The following SSH2 variants were observed in gnomAD, a reference collection of about 807,000 sequenced individuals.
SSH2 encodes the protein protein phosphatase Slingshot homolog 2.
SSH2 carries 37 observed loss-of-function variants against 135.2 expected under a neutral mutation model. The ratio of observed to expected loss-of-function variants is 0.27; its 90% CI spans 0.21 to 0.36. SSH2 has a LOEUF of 0.36. Among genes scored for constraint, SSH2 ranks in the 10% least tolerant of loss-of-function variants. The pLI is 1.00. For missense variants in SSH2, 1,408 were observed against 1,765.3 expected (o/e 0.80, Z 3.63); for synonymous variants, 628 against 646.2 (o/e 0.97, Z 0.43).
chr17:29,653,536 C>T (rs182022741), intron 12 of SSH2, among the ~76,000 whole-genome samples: 12 of 152,148 alleles, frequency 7.9e-5, no homozygotes, highest in African/African-American at 2.4e-4. Context: ...ACTGCTATAC[C>T]GCATCTCAGG....
At chr17:29,640,213 G>A (rs2036094385) in intron 14 of SSH2, among the ~76,000 whole-genome samples, 1 of 151,992 alleles carries the variant, frequency 6.6e-6, no homozygotes, top group Admixed American at 6.6e-5. Context: ...TGAGTAGCTG[G>A]GACTACAGGC....
intron 5 of SSH2, among the ~76,000 whole-genome samples, chr17:29,695,212 T>C (rs1476966779): frequency 6.6e-6 from 1 of 152,188 alleles, no homozygotes; most frequent in East Asian, 1.9e-4. Context: ...ATCTTCCTAA[T>C]CTAGGTCAAA....
intron 2 of SSH2, among the ~76,000 whole-genome samples, chr17:29,817,942 A>G (rs1335374671): frequency 5.9e-5 from 9 of 151,450 alleles, no homozygotes; most frequent in African/African-American, 2.2e-4. Flanking sequence ...TATTATTATT[A>G]TTATTTTTGT....
At chr17:29,744,816 C>A (rs2040698172) in intron 3 of SSH2, among the ~76,000 whole-genome samples, 1 of 151,512 alleles carries the variant, frequency 6.6e-6, no homozygotes, top group African/African-American at 2.4e-5. Flanking sequence ...TAAAGCTAAG[C>A]ACCTGGAGGA....
Position 29,678,708 on chromosome 17 carries a change from T to C in SSH2, c.480-967A>G, listed in dbSNP as rs74256963. Among the ~76,000 whole-genome samples the C allele has an allele frequency of 1.8e-3, 161 of 89,904 alleles. 2 individuals are homozygous for C. The East Asian group carries it at 0.045, about 25-fold the overall frequency. 59.0% of individuals were successfully genotyped at this position (89,904 alleles called of 152,430 possible). On this transcript the variant is annotated intron_variant, in intron 6 of 15. Coordinates refer to ENST00000540801, the MANE Select transcript of SSH2 (RefSeq NM_001282129.2). Reference sequence around the variant, plus strand: ...GCCCTAGTATGGTATTTAAAAATACTATTTCTTTTTTTTTTTTTTTTTTTG... The same window carrying C: ...GCCCTAGTATGGTATTTAAAAATACCATTTCTTTTTTTTTTTTTTTTTTTG...
chr17:29,924,042 T>C (rs1269686304), intron 1 of SSH2, among the ~76,000 whole-genome samples: 1 of 152,242 alleles, frequency 6.6e-6, no homozygotes, highest in Non-Finnish European at 1.5e-5. Flanking sequence ...CACTTCAGCT[T>C]TATAAAATAA....
Position 29,632,185 on chromosome 17 carries a change from A to C in SSH2, c.3009T>G (p.Thr1003=). 1 of 1,614,046 alleles carries C rather than the reference A, an allele frequency of 6.2e-7. No homozygotes were observed. Among genetic ancestry groups the C allele is most frequent in the Non-Finnish European group, 8.5e-7 (1 of 1,180,010 alleles). The change falls in exon 16 of 16, where the codon ACT becomes ACG. Residue 1003 remains threonine, a synonymous_variant. Transcript: ENST00000540801. ...TCAGGACTCCTTCCTGCTGTGTTCC[A>C]GTATCTGACCCTGGGCCCTCCTGAG... The part of the protein sequence containing the change: ...PDPQEGPGSD[T]GTQQEGVLKD...
intron 12 of SSH2, among the ~76,000 whole-genome samples, chr17:29,654,588 C>G (rs923705676): frequency 9.2e-5 from 14 of 152,088 alleles, no homozygotes; most frequent in African/African-American, 2.9e-4. Flanking sequence ...AATTTCAGAC[C>G]TTATTTTCTC....
chr17:29,750,866 A>AT (rs2040915425), intron 3 of SSH2, among the ~76,000 whole-genome samples: 1 of 151,912 alleles, frequency 6.6e-6, no homozygotes, highest in African/African-American at 2.4e-5. Context: ...ATACAAAAAA[A>AT]AAAAAAAAAG....
intron 3 of SSH2, among the ~76,000 whole-genome samples, chr17:29,720,478 T>C (rs905606167): frequency 1.3e-5 from 2 of 152,184 alleles, no homozygotes; most frequent in African/African-American, 4.8e-5. Context: ...TCCCAAATAT[T>C]AAACCACGGG....
chr17:29,882,517 GC>G (rs2151433493), intron 1 of SSH2, among the ~76,000 whole-genome samples: 1 of 100,704 alleles, frequency 9.9e-6, no homozygotes, highest in South Asian at 3.9e-4. Context: ...TTTGGGGGAG[GC>G]CTAGGCAGGT....
intron 1 of SSH2, among the ~76,000 whole-genome samples, chr17:29,862,710 G>C (rs1167146695): frequency 6.6e-6 from 1 of 152,120 alleles, no homozygotes; most frequent in African/African-American, 2.4e-5. Context: ...CCCTAACTCT[G>C]GCCTGCAATT....
intron 3 of SSH2, among the ~76,000 whole-genome samples, chr17:29,749,083 A>G (rs2040848799): frequency 6.6e-6 from 1 of 152,228 alleles, no homozygotes. Flanking sequence ...TAACTGAAAA[A>G]TCTTTGTAAA....
At chr17:29,709,744 C>T (rs1459661848) in intron 3 of SSH2, among the ~76,000 whole-genome samples, 1 of 152,118 alleles carries the variant, frequency 6.6e-6, no homozygotes, top group Non-Finnish European at 1.5e-5. Context: ...CAACTCTTCT[C>T]ATTTTCCCCA....
At chr17:29,881,144 C>G (rs532267812) in intron 1 of SSH2, among the ~76,000 whole-genome samples, 54 of 152,230 alleles carry the variant, frequency 3.5e-4, no homozygotes, top group African/African-American at 1.2e-3. Flanking sequence ...TCTTCAAATA[C>G]AAACATGTTA....
intron 2 of SSH2, among the ~76,000 whole-genome samples, chr17:29,843,257 G>C (rs901683004): frequency 4.6e-5 from 7 of 152,120 alleles, no homozygotes; most frequent in Non-Finnish European, 8.8e-5. Flanking sequence ...ATAGCAGGCT[G>C]GGCGCGGTGG....
chr17:29,801,424 A>T (rs535129252), intron 2 of SSH2, among the ~76,000 whole-genome samples: 65 of 152,270 alleles, frequency 4.3e-4, no homozygotes, highest in African/African-American at 1.5e-3. Context: ...CATCTCATTT[A>T]TCATTCTCCA....
At chr17:29,782,649 G>A (rs1463090440) in intron 3 of SSH2, among the ~76,000 whole-genome samples, 1 of 152,054 alleles carries the variant, frequency 6.6e-6, no homozygotes, top group South Asian at 2.1e-4. Context: ...GCAGTGGTGC[G>A]ATCTCCGCTC....
chr17:29,822,111 A>G (rs934063464), intron 2 of SSH2, among the ~76,000 whole-genome samples: 1 of 152,146 alleles, frequency 6.6e-6, no homozygotes, highest in Non-Finnish European at 1.5e-5. Flanking sequence ...CTTATCATTC[A>G]ATGCATTTGT....
Sources: allele counts gnomAD v4.1 joint callset (sites outside exome capture counted in the v4.1 genomes callset), GRCh38; gene constraint gnomAD v4.1.1; transcripts MANE v1.5; gene names NCBI Gene and HGNC (gene_info 2026-07-23, HGNC 2026-07-21).